The following NELL1 variants were observed in gnomAD, a reference collection of about 807,000 sequenced individuals.
NELL1 encodes the protein protein kinase C-binding protein NELL1.
In NELL1, 76 loss-of-function variants were observed where a neutral mutation model predicts 107.4. The observed-to-expected ratio is 0.71, with a 90% CI of 0.59 to 0.86. NELL1 has a LOEUF of 0.86. Ranked by LOEUF, NELL1 falls within the 40% of genes least tolerant of loss-of-function variation. The pLI, the probability that NELL1 is intolerant of heterozygous loss-of-function variation, is 0.00. For missense variants in NELL1, 1,024 were observed against 1,005.5 expected (o/e 1.02, Z -0.25); for synonymous variants, 353 against 341.2 (o/e 1.03, Z -0.38).
chr11:21,283,351 AAGAT>A (rs756868998), intron 14 of NELL1, among the ~76,000 whole-genome samples: 2 of 152,248 alleles, frequency 1.3e-5, no homozygotes, highest in African/African-American at 2.4e-5. Context: ...ATTAAAAAAT[AAGAT>A]AGAACAAATT....
chr11:21,512,836 A>G (rs1391306813), intron 15 of NELL1, among the ~76,000 whole-genome samples: 1 of 152,208 alleles, frequency 6.6e-6, no homozygotes, highest in Non-Finnish European at 1.5e-5. Flanking sequence ...TATGCAACAG[A>G]TATAAACCAA....
chr11:21,440,456 G>A lies in NELL1; in HGVS notation c.1645+69508G>A, dbSNP rs192909950. Among the ~76,000 whole-genome samples the A allele has an allele frequency of 1.4e-4, 21 of 152,258 alleles. No homozygotes were observed. In the East Asian group the frequency reaches 4.0e-3, roughly 29 times the overall value. On this transcript the variant is annotated intron_variant, in intron 15 of 19. Transcript: ENST00000357134. ...TTTAGGTGATGATAAAAGTAACACA[G>A]CAATATTTTCTGGGTAAATTTATAT...
At chr11:20,979,492 T>C (rs948367445) in intron 12 of NELL1, among the ~76,000 whole-genome samples, 2 of 152,158 alleles carry the variant, frequency 1.3e-5, no homozygotes, top group African/African-American at 4.8e-5. Context: ...TGAAATAATC[T>C]TTGCTCTGAA....
At chr11:21,094,706 C>T (rs976523605) in intron 12 of NELL1, among the ~76,000 whole-genome samples, 2 of 152,196 alleles carry the variant, frequency 1.3e-5, no homozygotes, top group African/African-American at 4.8e-5. Context: ...GGCCTGAACT[C>T]TATGTTGGCT....
chr11:20,956,369 G>T (rs1851170921), intron 11 of NELL1, among the ~76,000 whole-genome samples: 1 of 151,686 alleles, frequency 6.6e-6, no homozygotes, highest in Admixed American at 6.6e-5. Context: ...ATTTCAGGCT[G>T]GGTGCGGTGG....
intron 2 of NELL1, among the ~76,000 whole-genome samples, chr11:20,696,340 T>C (rs1476630466): frequency 6.6e-6 from 1 of 152,058 alleles, no homozygotes; most frequent in African/African-American, 2.4e-5. Context: ...TTTTTTCTTT[T>C]TCTAGGAGTG....
At chr11:20,794,301 C>T (rs1050085193) in intron 3 of NELL1, among the ~76,000 whole-genome samples, 4 of 152,142 alleles carry the variant, frequency 2.6e-5, no homozygotes, top group Admixed American at 6.5e-5. Flanking sequence ...AACCCAAATA[C>T]GTGGAAATAG....
chr11:21,317,266 T>C (rs1269970790), intron 14 of NELL1, among the ~76,000 whole-genome samples: 3 of 151,940 alleles, frequency 2.0e-5, no homozygotes, highest in Non-Finnish European at 4.4e-5. Context: ...AATCTTTCTC[T>C]TACTGAAGTA....
At chr11:21,445,917 T>C (rs1428374165) in intron 15 of NELL1, among the ~76,000 whole-genome samples, 1 of 151,594 alleles carries the variant, frequency 6.6e-6, no homozygotes, top group Non-Finnish European at 1.5e-5. Context: ...TGTTATTATC[T>C]CTTTGAATAA....
intron 1 of NELL1, among the ~76,000 whole-genome samples, chr11:20,676,850 A>G (rs1187377764): frequency 2.0e-5 from 3 of 152,224 alleles, no homozygotes; most frequent in Non-Finnish European, 2.9e-5. Context: ...TGATTAAAAC[A>G]TTTCCAACAG....
At chr11:21,425,787 G>A (rs1312559064) in intron 15 of NELL1, among the ~76,000 whole-genome samples, 5 of 152,032 alleles carry the variant, frequency 3.3e-5, no homozygotes, top group South Asian at 4.2e-4. Context: ...TTTGAGGAAC[G>A]TTATTTAGAG....
intron 15 of NELL1, among the ~76,000 whole-genome samples, chr11:21,516,742 C>T (rs1348626975): frequency 3.7e-5 from 5 of 136,468 alleles, no homozygotes; most frequent in African/African-American, 1.4e-4. Context: ...CACACACATA[C>T]ACACACACAC....
At chr11:21,118,758 C>T (rs4923348) in intron 13 of NELL1, among the ~76,000 whole-genome samples, 109,968 of 151,464 alleles carry the variant, frequency 0.73, 40,309 homozygotes, top group African/African-American at 0.82. Context: ...CGCTGTTCAG[C>T]TGGTTTTATA....
chr11:21,354,496 A>T (rs1850886240), intron 14 of NELL1, among the ~76,000 whole-genome samples: 1 of 152,146 alleles, frequency 6.6e-6, no homozygotes, highest in Admixed American at 6.6e-5. Context: ...CAGCACCTGG[A>T]ATTTAGTCTC....
chr11:21,048,343 T>C (rs1853407069), intron 12 of NELL1, among the ~76,000 whole-genome samples: 1 of 152,204 alleles, frequency 6.6e-6, no homozygotes, highest in South Asian at 2.1e-4. Flanking sequence ...AGTTATCTGT[T>C]TCCTCAGAAT....
chr11:21,523,930 T>C (rs983905477), intron 15 of NELL1, among the ~76,000 whole-genome samples: 1 of 152,288 alleles, frequency 6.6e-6, no homozygotes, highest in East Asian at 1.9e-4. Flanking sequence ...CATACGTATA[T>C]GTATATGTAT....
intron 15 of NELL1, among the ~76,000 whole-genome samples, chr11:21,408,555 T>C (rs1161153155): frequency 3.9e-5 from 6 of 152,090 alleles, no homozygotes; most frequent in Non-Finnish European, 7.4e-5. Flanking sequence ...TCATTGTAGA[T>C]TCTGGATATT....
rs145399200 is a variant in NELL1 at position 20,929,356 on chromosome 11, A to C, written c.997+877A>C. ...CAGCATGTCACCTATTATGACACTGAAAGTGGGAATAGCAGTGAAAGTGGG... is the reference window on the plus strand; with the variant it reads ...CAGCATGTCACCTATTATGACACTGCAAGTGGGAATAGCAGTGAAAGTGGG... On this transcript the variant is annotated intron_variant, in intron 9 of 19. Transcript: ENST00000357134. Among the ~76,000 whole-genome samples the C allele has an allele frequency of 3.0e-3, 463 of 152,288 alleles. 2 individuals carry two copies. The highest frequency in any genetic ancestry group is 0.011 in the African/African-American group (444 of 41,550).
intron 15 of NELL1, among the ~76,000 whole-genome samples, chr11:21,457,373 GTGT>G (rs1301018339): frequency 2.0e-5 from 3 of 152,210 alleles, no homozygotes; most frequent in African/African-American, 7.2e-5. Context: ...GAGATAAGAG[GTGT>G]TGTTAGAGAT....
Sources: allele counts gnomAD v4.1 joint callset (sites outside exome capture counted in the v4.1 genomes callset), GRCh38; gene constraint gnomAD v4.1.1; transcripts MANE v1.5; gene names NCBI Gene and HGNC (gene_info 2026-07-23, HGNC 2026-07-21).